Variants in FNIP2 observed in about 807,000 individuals in gnomAD.
FNIP2 encodes folliculin interacting protein 2, also known as folliculin-interacting protein 2.
In FNIP2, 32 loss-of-function variants were observed where a neutral mutation model predicts 108.7. The observed-to-expected ratio is 0.29, with a 90% CI of 0.22 to 0.40. The LOEUF (loss-of-function observed/expected upper bound fraction) is 0.40. Among genes scored for constraint, FNIP2 ranks in the 10% least tolerant of loss-of-function variants. The pLI, the probability that FNIP2 is intolerant of heterozygous loss-of-function variation, is 1.00. For synonymous variants in FNIP2, 480 were observed against 496.7 expected, an observed-to-expected ratio of 0.97 and a Z score of 0.45; for missense variants, 1,202 against 1,381.6, an observed-to-expected ratio of 0.87 and a Z score of 2.06.
rs182505580 is a variant in FNIP2, at chr4:158,793,890, C to G, written c.107+24571C>G. Among the ~76,000 whole-genome samples, 22 of 152,180 alleles carry G rather than the reference C, an allele frequency of 1.4e-4. No homozygotes were observed. The East Asian group carries it at 3.7e-3, about 25-fold the overall frequency. On this transcript the variant is annotated intron_variant, in intron 1 of 16. Coordinates refer to ENST00000264433, the MANE Select transcript of FNIP2 (RefSeq NM_020840.3). ...GAACGGAGGCAAATCATACTTGTAC[C>G]CTACTATTGTCATTTATGTGAAGAG...
chr4:158,882,116 C>A (rs370699057), intron 14 of FNIP2, among the ~76,000 whole-genome samples: 1 of 151,612 alleles, frequency 6.6e-6, no homozygotes, highest in Non-Finnish European at 1.5e-5. Flanking sequence ...GCCTGGCCGC[C>A]CCGTCTGAGA....
intron 12 of FNIP2, among the ~76,000 whole-genome samples, chr4:158,864,933 C>G (rs1344658890): frequency 6.6e-6 from 1 of 151,972 alleles, no homozygotes; most frequent in African/African-American, 2.4e-5. Context: ...TAAGTTTCTT[C>G]TGTCTGTTCC....
At chr4:158,865,289 C>T (rs983346141) in intron 12 of FNIP2, among the ~76,000 whole-genome samples, 49 of 152,050 alleles carry the variant, frequency 3.2e-4, no homozygotes, top group African/African-American at 9.7e-4. Context: ...AAATTATATT[C>T]ATGAAAACAA....
At chr4:158,890,035 T>A in intron 14 of FNIP2, 2 of 985,378 alleles carry the variant, frequency 2.0e-6, no homozygotes, top group Non-Finnish European at 2.4e-6. Flanking sequence ...ATGGGGTCAT[T>A]ATGTGTGTAA....
At chr4:158,828,204 A>G (rs1388865721) in intron 2 of FNIP2, among the ~76,000 whole-genome samples, 9 of 152,208 alleles carry the variant, frequency 5.9e-5, no homozygotes, top group Admixed American at 5.2e-4. Context: ...TTTCCATCAC[A>G]TGCTATGTAA....
intron 7 of FNIP2, among the ~76,000 whole-genome samples, chr4:158,841,782 A>G (rs760747164): frequency 1.3e-4 from 20 of 152,388 alleles, no homozygotes; most frequent in African/African-American, 4.8e-4. Context: ...GAGCTGCAGT[A>G]TATAAAAGCA....
At chr4:158,891,756 A>C in intron 15 of FNIP2, 110 bp downstream of exon 15, 1 of 1,060,576 alleles carries the variant, frequency 9.4e-7, no homozygotes, top group Non-Finnish European at 1.3e-6. Flanking sequence ...ATAATTGGAG[A>C]TTAGCATAAC....
At chr4:158,893,240 T>C (rs1270107731) in intron 15 of FNIP2, 2 of 153,930 alleles carry the variant, frequency 1.3e-5, no homozygotes, top group Admixed American at 6.5e-5. Context: ...TATTATAAAA[T>C]ACTTTAAAAG....
In FNIP2 at chr4:158,833,546, G is replaced by A; in HGVS notation, c.573G>A (p.Glu191=). Residue 191 remains glutamate (E), a synonymous_variant, in exon 6 of 17, where the codon GAG becomes GAA. Coordinates refer to ENST00000264433, the MANE Select transcript of FNIP2 (RefSeq NM_020840.3). The part of the protein sequence containing the change: ...GSTNNLQDSF[E]YINQDPNLGK... ...GATATAGCTTGCAAGACAGCTTTGA[G>A]TACATCAACCAAGATCCTAATTTGG... The A allele has an allele frequency of 6.2e-7, 1 of 1,605,246 alleles. No individual in the cohort carries two copies. The highest frequency in any genetic ancestry group is 8.5e-7 in the Non-Finnish European group (1 of 1,177,106).
intron 1 of FNIP2, among the ~76,000 whole-genome samples, chr4:158,772,596 T>C (rs1199408040): frequency 2.0e-5 from 3 of 152,240 alleles, no homozygotes; most frequent in Non-Finnish European, 4.4e-5. Context: ...GTTAGCTAGC[T>C]GTGTGAATGC....
At position 158,891,909 on chromosome 4, in the gene FNIP2, G is replaced by A. The variant is rs185633171; in HGVS notation, c.3150+263G>A. 7.2e-5 allele frequency among the ~76,000 whole-genome samples: 11 copies of A among 152,198 alleles called. No individual in the cohort carries two copies. In the East Asian group the frequency reaches 1.9e-3, roughly 27 times the overall value. ...GCAGTAAATAAGGAATGGGTGGAGA[G>A]ATCAAGCATAAAAGGAAACTGTAAA... On this transcript the variant is annotated intron_variant, in intron 15 of 16. Coordinates refer to ENST00000264433, the MANE Select transcript of FNIP2 (RefSeq NM_020840.3).
At chr4:158,832,225 T>A (rs1347820803) in intron 5 of FNIP2, 87 bp downstream of exon 5, 16 of 1,068,420 alleles carry the variant, frequency 1.5e-5, no homozygotes, top group Non-Finnish European at 2.2e-5. Flanking sequence ...CATAAGGCAT[T>A]TTGAAATGAC....
chr4:158,872,734 G>GT (rs1345194325), intron 14 of FNIP2: 57,309 of 742,886 alleles, frequency 0.077, 154 homozygotes, highest in South Asian at 0.11. Context: ...CTATGGTAGT[G>GT]TTTTTTTTTT....
At chr4:158,860,654 C>CTTTT (rs34208761) in intron 10 of FNIP2, among the ~76,000 whole-genome samples, 6 of 121,106 alleles carry the variant, frequency 5.0e-5, no homozygotes, top group Non-Finnish European at 6.8e-5. Context: ...CTGGGTCCCA[C>CTTTT]TTTTTTTTTT....
At position 158,859,147 on chromosome 4, in the gene FNIP2, C is replaced by T. The variant is rs536744472; in HGVS notation, c.948C>T (p.Ile316=). 6.2e-7 allele frequency: 1 copy of T among 1,614,038 alleles called. No homozygotes were observed. The highest frequency in any genetic ancestry group is 1.7e-5 in the Admixed American group (1 of 60,034). Reference sequence around the variant, plus strand: ...GGAAGAAAATTGCCATAAGCATCATCTTTTCCCTATGTGAGAAAGAAGAAG... The same window carrying T: ...GGAAGAAAATTGCCATAAGCATCATTTTTTCCCTATGTGAGAAAGAAGAAG... ...VRRKKIAISI[I]FSLCEKEEAQ... Residue 316 remains isoleucine, a synonymous_variant, in exon 9 of 17, where the codon ATC becomes ATT. Coordinates refer to ENST00000264433, the MANE Select transcript of FNIP2 (RefSeq NM_020840.3).
At position 158,821,008 on chromosome 4, in the gene FNIP2, G is replaced by C. The variant is rs117749738; in HGVS notation, c.108-4908G>C. Reference sequence around the variant, plus strand: ...TATTTTAAAGAGAATTCTGTTTTCTGTGTTTCAGATCACTTGAACTAGTGT... The same window carrying C: ...TATTTTAAAGAGAATTCTGTTTTCTCTGTTTCAGATCACTTGAACTAGTGT... On this transcript the variant is annotated intron_variant, in intron 1 of 16. Transcript: ENST00000264433. 1.5e-4 allele frequency among the ~76,000 whole-genome samples: 23 copies of C among 152,302 alleles called. No homozygotes were observed. In the East Asian group the frequency reaches 4.4e-3, roughly 29 times the overall value.
At chr4:158,854,746 C>A (rs1258626507) in intron 8 of FNIP2, among the ~76,000 whole-genome samples, 3 of 152,182 alleles carry the variant, frequency 2.0e-5, no homozygotes, top group Non-Finnish European at 4.4e-5. Context: ...GAAATATGAT[C>A]TAATGGTAAT....
At chr4:158,840,899 A>T (rs2126622192) in intron 7 of FNIP2, among the ~76,000 whole-genome samples, 1 of 152,240 alleles carries the variant, frequency 6.6e-6, no homozygotes, top group East Asian at 1.9e-4. Context: ...AAAGTGGTAA[A>T]ATAAAGAAAG....
chr4:158,782,082 G>A (rs1776069933), intron 1 of FNIP2, among the ~76,000 whole-genome samples: 1 of 151,594 alleles, frequency 6.6e-6, no homozygotes, highest in Non-Finnish European at 1.5e-5. Context: ...CTCTTTCCCT[G>A]TATTAAATGC....
Sources: gnomAD v4.1 joint callset for allele counts (sites outside exome capture counted in the v4.1 genomes callset) on GRCh38, gnomAD v4.1.1 for gene constraint, MANE v1.5 for transcripts, NCBI Gene and HGNC (gene_info 2026-07-23, HGNC 2026-07-21) for gene names.